SCLT1: variants seen among roughly 807,000 people sequenced by gnomAD.
The protein encoded by SCLT1 is sodium channel-associated protein 1.
Under a neutral mutation model 112.8 loss-of-function variants are expected in SCLT1, and 78 were observed. The ratio of observed to expected loss-of-function variants is 0.69; its 90% CI spans 0.58 to 0.83. SCLT1 has a LOEUF of 0.83. SCLT1 is among the 40% of genes least tolerant of loss of function. The probability of loss-of-function intolerance (pLI) is 0.00; values close to 1 mark genes in which losing one functional copy is unlikely to be tolerated. For synonymous variants in SCLT1, 257 were observed against 254.7 expected (o/e 1.01, Z -0.09); for missense variants, 747 against 770.4 (o/e 0.97, Z 0.36).
At chr4:128,887,258 G>T (rs1732960791) in intron 20 of SCLT1, among the ~76,000 whole-genome samples, 1 of 152,028 alleles carries the variant, frequency 6.6e-6, no homozygotes, top group African/African-American at 2.4e-5. Flanking sequence ...TGCATAATTA[G>T]CTAACCCATT....
chr4:129,005,808 C>A (rs1743950765), intron 5 of SCLT1, among the ~76,000 whole-genome samples: 1 of 150,614 alleles, frequency 6.6e-6, no homozygotes, highest in Middle Eastern at 3.5e-3. Flanking sequence ...AAATGTGGCA[C>A]ATATACACCA....
intron 18 of SCLT1, among the ~76,000 whole-genome samples, chr4:128,930,656 A>T (rs1348979820): frequency 6.6e-6 from 1 of 152,206 alleles, no homozygotes; most frequent in Non-Finnish European, 1.5e-5. Context: ...GATGGCTATA[A>T]GGTTTTATAT....
chr4:129,076,286 T>C (rs1751458078), intron 2 of SCLT1, among the ~76,000 whole-genome samples: 1 of 152,152 alleles, frequency 6.6e-6, no homozygotes, highest in African/African-American at 2.4e-5. Context: ...TTAATGTTTG[T>C]TGAATAAGTG....
chr4:128,885,282 A>T (rs773391209), intron 20 of SCLT1, among the ~76,000 whole-genome samples: 7 of 152,254 alleles, frequency 4.6e-5, no homozygotes, highest in Non-Finnish European at 7.3e-5. Flanking sequence ...GGTAGACAGC[A>T]TAAAGGAAGT....
chr4:129,027,426 C>A (rs1325448654), intron 5 of SCLT1, among the ~76,000 whole-genome samples: 6 of 152,044 alleles, frequency 3.9e-5, no homozygotes. Flanking sequence ...AGACAAAAAC[C>A]ACATGATTAT....
Position 128,888,200 on chromosome 4 carries a change from A to C in SCLT1, c.2004+479T>G, listed in dbSNP as rs547226671. On this transcript the variant is annotated intron_variant, in intron 20 of 20. Coordinates refer to ENST00000281142, the MANE Select transcript of SCLT1 (RefSeq NM_144643.4). ...AGAGGCTATGATTGTTAGACAGTAT[A>C]TGTCTTTTCTGTTTTTTTTTTTTTT... 1.4e-3 allele frequency among the ~76,000 whole-genome samples: 209 copies of C among 151,500 alleles called. 1 individual carries two copies. Among genetic ancestry groups the C allele is most frequent in the African/African-American group, 4.8e-3 (198 of 41,410 alleles).
intron 18 of SCLT1, among the ~76,000 whole-genome samples, chr4:128,892,389 A>C (rs998022891): frequency 6.6e-6 from 1 of 152,228 alleles, no homozygotes; most frequent in Non-Finnish European, 1.5e-5. Flanking sequence ...CATTATTTCC[A>C]AGTAGAGAAT....
At position 128,949,598 on chromosome 4, in the gene SCLT1, C is replaced by T. The variant is rs1234318720; in HGVS notation, c.1219-1028G>A. Among the ~76,000 whole-genome samples, 7 of 151,846 alleles carry T rather than the reference C, an allele frequency of 4.6e-5. No homozygotes were observed. The South Asian group carries it at 1.0e-3, about 23-fold the overall frequency. On this transcript the variant is annotated intron_variant, in intron 14 of 20. Transcript: ENST00000281142. The stretch of plus-strand genomic sequence containing the variant: ...CCTGTGTCCATGTGTTCTCATTGTT[C>T]GATTCCCACCTATAAGTGAGAACAT...
At chr4:128,885,386 T>C (rs1732815129) in intron 20 of SCLT1, among the ~76,000 whole-genome samples, 1 of 152,228 alleles carries the variant, frequency 6.6e-6, no homozygotes, top group Non-Finnish European at 1.5e-5. Context: ...ATATTTTAAA[T>C]GAGAATATAT....
intron 14 of SCLT1, among the ~76,000 whole-genome samples, chr4:128,950,950 GAT>G (rs1738677036): frequency 6.6e-6 from 1 of 152,060 alleles, no homozygotes; most frequent in African/African-American, 2.4e-5. Context: ...TCCAAAGGGA[GAT>G]ATGTAGCTTG....
At chr4:128,917,957 A>T (rs1401915684) in intron 18 of SCLT1, among the ~76,000 whole-genome samples, 2 of 152,144 alleles carry the variant, frequency 1.3e-5, no homozygotes, top group Non-Finnish European at 2.9e-5. Context: ...TCTCAAAGTC[A>T]CAGGACTACA....
At chr4:128,984,673 C>G (rs1262856474) in intron 9 of SCLT1, among the ~76,000 whole-genome samples, 1 of 152,124 alleles carries the variant, frequency 6.6e-6, no homozygotes, top group Non-Finnish European at 1.5e-5. Context: ...TCTCTACCTT[C>G]TAATTTATCC....
chr4:129,033,656 A>G (rs1486420513), intron 5 of SCLT1, among the ~76,000 whole-genome samples: 1 of 151,968 alleles, frequency 6.6e-6, no homozygotes, highest in Non-Finnish European at 1.5e-5. Flanking sequence ...AAGAGACTGG[A>G]TGAAGGGAAA....
chr4:128,914,296 G>A (rs1318535187), intron 18 of SCLT1, among the ~76,000 whole-genome samples: 1 of 151,914 alleles, frequency 6.6e-6, no homozygotes, highest in Non-Finnish European at 1.5e-5. Flanking sequence ...AACCCAGGAG[G>A]TGGAGATTGT....
At chr4:129,092,882 C>T (rs1752975479) in intron 1 of SCLT1, among the ~76,000 whole-genome samples, 188 bp downstream of exon 1, 1 of 152,210 alleles carries the variant, frequency 6.6e-6, no homozygotes, top group Admixed American at 6.5e-5. Context: ...ACAAGTACTA[C>T]CACACGGTTC....
chr4:129,085,388 A>G (rs1235760258), intron 1 of SCLT1, among the ~76,000 whole-genome samples: 1 of 152,224 alleles, frequency 6.6e-6, no homozygotes, highest in Non-Finnish European at 1.5e-5. Context: ...AGTTGTGGAG[A>G]AAAAGGAACA....
At chr4:129,006,015 G>A (rs1743973941) in intron 5 of SCLT1, among the ~76,000 whole-genome samples, 2 of 111,550 alleles carry the variant, frequency 1.8e-5, no homozygotes, top group Non-Finnish European at 3.5e-5. Context: ...GGGGACTGTT[G>A]TGGGGTGGGG....
intron 18 of SCLT1, among the ~76,000 whole-genome samples, chr4:128,923,539 C>T (rs1736045462): frequency 6.6e-6 from 1 of 151,726 alleles, no homozygotes; most frequent in African/African-American, 2.4e-5. Flanking sequence ...CCTCAAATCC[C>T]AGTCCTAGGC....
chr4:129,090,174 T>C (rs570768704), intron 1 of SCLT1, among the ~76,000 whole-genome samples: 8 of 152,224 alleles, frequency 5.3e-5, no homozygotes, highest in South Asian at 4.2e-4. Flanking sequence ...AAAGTATAGC[T>C]GAGAAAATTT....
Sources: gnomAD v4.1 joint callset for allele counts (sites outside exome capture counted in the v4.1 genomes callset) on GRCh38, gnomAD v4.1.1 for gene constraint, MANE v1.5 for transcripts, NCBI Gene and HGNC (gene_info 2026-07-23, HGNC 2026-07-21) for gene names.